NT5C1B: variants seen among roughly 807,000 people sequenced by gnomAD.
NT5C1B encodes the protein 5'-nucleotidase, cytosolic IB, also known as cytosolic 5'-nucleotidase 1B.
Under a neutral mutation model 57.8 loss-of-function variants are expected in NT5C1B, and 44 were observed. The ratio of observed to expected loss-of-function variants is 0.76; its 90% CI spans 0.60 to 0.98. The LOEUF is 0.98. NT5C1B is among the 50% of genes least tolerant of loss of function. The pLI, the probability that NT5C1B is intolerant of heterozygous loss-of-function variation, is 0.00. For missense variants in NT5C1B, 742 were observed against 719.5 expected (o/e 1.03, Z -0.36); for synonymous variants, 284 against 282.6 (o/e 1.00, Z -0.05).
intron 3 of NT5C1B, chr2:18,585,284 G>A (rs916469676): frequency 1.6e-6 from 1 of 636,622 alleles, no homozygotes; most frequent in South Asian, 1.5e-5. Flanking sequence ...CTGACACATG[G>A]TTTGCAAAGT....
chr2:18,579,280 A>G (rs186508093), intron 6 of NT5C1B, among the ~76,000 whole-genome samples: 3 of 152,334 alleles, frequency 2.0e-5, no homozygotes, highest in Admixed American at 2.0e-4. Context: ...ACAGAATTAG[A>G]AAAAACTATT....
At chr2:18,585,225 A>G (rs918327294) in intron 3 of NT5C1B, 1 of 756,638 alleles carries the variant, frequency 1.3e-6, no homozygotes, top group South Asian at 1.4e-5. Context: ...ACACGTTTTT[A>G]TTTGTTTGGA....
intron 5 of NT5C1B, 138 bp from the exon 6 acceptor site, chr2:18,583,135 A>G: frequency 8.5e-7 from 1 of 1,175,056 alleles, no homozygotes; most frequent in Non-Finnish European, 1.1e-6. Flanking sequence ...CCTTTAAGGA[A>G]GATTTATCCC....
chr2:18,576,200 C>G, exon 8 of NT5C1B: 1 of 1,611,904 alleles, frequency 6.2e-7, no homozygotes, highest in Non-Finnish European at 8.5e-7. Flanking sequence ...AAGAGGCTTA[C>G]TTTCACATAA....
intron 8 of NT5C1B, among the ~76,000 whole-genome samples, chr2:18,571,428 A>C (rs1380642909): frequency 1.3e-5 from 2 of 152,062 alleles, no homozygotes; most frequent in Non-Finnish European, 2.9e-5. Flanking sequence ...AAAATATTAC[A>C]AAATGCATAG....
chr2:18,581,484 A>G (rs540517562), intron 6 of NT5C1B, among the ~76,000 whole-genome samples: 1 of 152,198 alleles, frequency 6.6e-6, no homozygotes, highest in Middle Eastern at 3.4e-3. Flanking sequence ...CATGATATAA[A>G]GCAGAATACT....
intron 8 of NT5C1B, among the ~76,000 whole-genome samples, chr2:18,569,579 C>G (rs996704094): frequency 1.2e-4 from 18 of 151,762 alleles, no homozygotes; most frequent in Non-Finnish European, 2.2e-4. Context: ...TTAGCCCCCC[C>G]AAAAAAGCTG....
chr2:18,582,541 T>G (rs1481240602), intron 6 of NT5C1B, among the ~76,000 whole-genome samples: 2 of 152,228 alleles, frequency 1.3e-5, no homozygotes, highest in Non-Finnish European at 2.9e-5. Context: ...GATCACACAG[T>G]AAAAGCCTTT....
At chr2:18,579,885 C>T (rs1666032842) in intron 6 of NT5C1B, among the ~76,000 whole-genome samples, 1 of 152,082 alleles carries the variant, frequency 6.6e-6, no homozygotes, top group African/African-American at 2.4e-5. Flanking sequence ...TCAAACTATG[C>T]ATTTAACAAA....
chr2:18,576,764 G>A lies in NT5C1B; in HGVS notation c.1144+9C>T, dbSNP rs753396000. 5 of 1,613,214 alleles carry A rather than the reference G, an allele frequency of 3.1e-6. No homozygotes were observed. In the African/African-American group the frequency reaches 4.0e-5, roughly 13 times the overall value. On this transcript the variant is annotated intron_variant, in intron 7 of 8. Coordinates refer to ENST00000304081, the Ensembl canonical transcript of NT5C1B. ...TTTATTAACTAGAGGAATAAAATCA[G>A]ACTAATACCTTCTTGTATTGCCTCT... is the stretch of plus-strand genomic sequence containing the variant.
At chr2:18,588,467 G>C (rs1412679378) in intron 1 of NT5C1B, among the ~76,000 whole-genome samples, 1 of 152,194 alleles carries the variant, frequency 6.6e-6, no homozygotes, top group Non-Finnish European at 1.5e-5. Context: ...GCATGAGAAT[G>C]TTAGTTGCAT....
chr2:18,579,389 A>G (rs1313510317), intron 6 of NT5C1B, among the ~76,000 whole-genome samples: 1 of 152,242 alleles, frequency 6.6e-6, no homozygotes, highest in East Asian at 1.9e-4. Context: ...ACTTCAAACT[A>G]TACTACAAAG....
In NT5C1B at chr2:18,584,038, C is replaced by T. The variant is rs1285563669; in HGVS notation, c.891+50G>A. 1 of 1,614,086 alleles carries T rather than the reference C, an allele frequency of 6.2e-7. No homozygotes were observed. The highest frequency in any genetic ancestry group is 1.7e-5 in the Admixed American group (1 of 60,028). On this transcript the variant is annotated intron_variant, in intron 5 of 8. Coordinates refer to ENST00000304081, the Ensembl canonical transcript of NT5C1B. This position sits in a 1 kb window ranked among gnomAD's most constrained non-coding sequence, Gnocchi z 5.8. The stretch of plus-strand genomic sequence containing the variant: ...CCCTCCCAAGGGTTGGCCTGGGTCC[C>T]TCCCTCGCCATCGAGTGTCCTGGCG...
At chr2:18,581,477 G>C (rs76902995) in intron 6 of NT5C1B, among the ~76,000 whole-genome samples, 1 of 151,852 alleles carries the variant, frequency 6.6e-6, no homozygotes, top group Non-Finnish European at 1.5e-5. Context: ...AGCTGCACAT[G>C]ATATAAAGCA....
rs1374936912 is a variant in NT5C1B, at chr2:18,576,899, T to C, written c.1022-4A>G. On this transcript the variant is annotated splice_region_variant and splice_polypyrimidine_tract_variant and intron_variant, in intron 6 of 8. Coordinates refer to ENST00000304081, the Ensembl canonical transcript of NT5C1B. ...CAGAAGCGGTCAATCAGTAAGCCTA[T>C]TATCAGGCAAGAAAGACTTTGTTAT... 1 of 1,613,434 alleles carries C rather than the reference T, an allele frequency of 6.2e-7. No individual in the cohort carries two copies. The highest frequency in any genetic ancestry group is 1.3e-5 in the African/African-American group (1 of 74,992).
intron 6 of NT5C1B, among the ~76,000 whole-genome samples, chr2:18,580,273 C>T (rs1391251028): frequency 6.6e-6 from 1 of 152,090 alleles, no homozygotes; most frequent in African/African-American, 2.4e-5. Flanking sequence ...CCCAGCAATC[C>T]CATTGCTGGG....
intron 8 of NT5C1B, among the ~76,000 whole-genome samples, chr2:18,573,417 CTATA>C (rs1665385305): frequency 6.6e-6 from 1 of 151,234 alleles, no homozygotes; most frequent in Non-Finnish European, 1.5e-5. Context: ...AAATTTTACT[CTATA>C]TAAATATACC....
At position 18,584,636 on chromosome 2, in the gene NT5C1B, G is replaced by C. The variant is rs746059240; in HGVS notation, c.601C>G (p.Arg201Gly). 6.2e-7 allele frequency: 1 copy of C among 1,612,814 alleles called. No individual in the cohort carries two copies. The highest frequency in any genetic ancestry group is 1.7e-5 in the Admixed American group (1 of 59,878). Residue 201 changes from arginine (R) to glycine (G), a missense_variant, in exon 4 of 9, where the codon CGC becomes GGC. Arg to Gly is a moderately radical substitution (Grantham distance 125). Coordinates refer to ENST00000304081, the Ensembl canonical transcript of NT5C1B. The surrounding 1 kb of genome is among the most constrained non-coding windows in gnomAD (Gnocchi z 5.8). ...TGCTGCTGCTCGGACAGAGAGTTGCGGTCCAGCTGGGTGGAGGCGGGGTAG... is the reference window on the plus strand; with the variant it reads ...TGCTGCTGCTCGGACAGAGAGTTGCCGTCCAGCTGGGTGGAGGCGGGGTAG...
exon 9 of NT5C1B, chr2:18,563,614 A>G: frequency 1.8e-6 from 1 of 550,910 alleles, no homozygotes; most frequent in Non-Finnish European, 3.1e-6. Flanking sequence ...GTTCAAAGAG[A>G]AGTAGTTTGA....
Sources: gnomAD v4.1 joint callset for allele counts (sites outside exome capture counted in the v4.1 genomes callset) on GRCh38, gnomAD v4.1.1 for gene constraint, Gnocchi (gnomAD v3.1) non-coding constraint, MANE v1.5 for transcripts, NCBI Gene and HGNC (gene_info 2026-07-23, HGNC 2026-07-21) for gene names.